Variants in OTOF observed in about 807,000 individuals in gnomAD.
The protein encoded by OTOF is otoferlin, also known as fer-1-like family member 2.
In OTOF, 218 loss-of-function variants were observed where a neutral mutation model predicts 236.8. The ratio of observed to expected loss-of-function variants is 0.92; its 90% confidence interval spans 0.82 to 1.03. The LOEUF (loss-of-function observed/expected upper bound fraction) is 1.03. Ranked by LOEUF, OTOF falls within the 50% of genes least tolerant of loss-of-function variation. The probability of loss-of-function intolerance (pLI) is 0.00; values close to 1 mark genes in which losing one functional copy is unlikely to be tolerated. For synonymous variants in OTOF, 1,041 were observed against 1,072.5 expected (o/e 0.97, Z 0.57); for missense variants, 2,590 against 2,694.4 (o/e 0.96, Z 0.86).
In OTOF at chr2:26,477,979, A is replaced by T. The variant is rs1435592587; in HGVS notation, c.2215-230T>A. On this transcript the variant is annotated intron_variant, in intron 18 of 46. Transcript: ENST00000272371. The surrounding 1 kb of genome is among the most constrained non-coding windows in gnomAD (Gnocchi z 4.7). The stretch of plus-strand genomic sequence containing the variant: ...GGGTTCTTCAGTTCCTGAAGGAAGA[A>T]GCCACCTCTGGGCTGTGAGTCTGTG... 2 of 1,463,528 alleles carry T rather than the reference A, an allele frequency of 1.4e-6. No individual in the cohort carries two copies. The highest frequency in any genetic ancestry group is 5.2e-5 in the Admixed American group (2 of 38,170). The allele number at this position is 1,463,528 out of a possible 1,614,324, so 90.7% of individuals were successfully genotyped here.
chr2:26,554,086 G>A (rs1003015549), intron 1 of OTOF, among the ~76,000 whole-genome samples: 1 of 144,894 alleles, frequency 6.9e-6, no homozygotes, highest in African/African-American at 2.6e-5. Context: ...CAGAAGAATC[G>A]CTTGAACCCA....
chr2:26,509,786 A>G (rs1666337834), intron 5 of OTOF, among the ~76,000 whole-genome samples: 1 of 152,212 alleles, frequency 6.6e-6, no homozygotes, highest in Admixed American at 6.5e-5. Flanking sequence ...TGTTTGGAGA[A>G]TTAGATTAAA....
At chr2:26,535,592 G>A (rs184876042) in intron 2 of OTOF, among the ~76,000 whole-genome samples, 90 of 152,262 alleles carry the variant, frequency 5.9e-4, no homozygotes, top group African/African-American at 1.9e-3. Flanking sequence ...TCCCCATCGC[G>A]TGCCCTGCTC....
chr2:26,510,188 G>A (rs558444811), intron 5 of OTOF, among the ~76,000 whole-genome samples: 69 of 152,188 alleles, frequency 4.5e-4, no homozygotes, highest in Non-Finnish European at 7.5e-4. Flanking sequence ...AGAGAGGGCC[G>A]CCCAAATGGT....
chr2:26,472,459 G>A, intron 30 of OTOF, 60 bp downstream of exon 30: 1 of 1,605,024 alleles, frequency 6.2e-7, no homozygotes, highest in Non-Finnish European at 8.5e-7. Context: ...TGGTTCACAG[G>A]ATGTGTCACA....
intron 7 of OTOF, among the ~76,000 whole-genome samples, chr2:26,502,019 A>T (rs987588559): frequency 3.3e-5 from 5 of 152,172 alleles, no homozygotes. Flanking sequence ...AGAGACAGAC[A>T]TGGGGTCAAT....
At chr2:26,541,156 G>A (rs185769656) in intron 1 of OTOF, among the ~76,000 whole-genome samples, 389 of 152,304 alleles carry the variant, frequency 2.6e-3, no homozygotes, top group African/African-American at 8.7e-3. Context: ...GCAACCCAGC[G>A]GAGGATTGGG....
intron 1 of OTOF, among the ~76,000 whole-genome samples, chr2:26,542,855 G>A (rs146773446): frequency 3.3e-5 from 5 of 152,302 alleles, no homozygotes; most frequent in African/African-American, 1.2e-4. Context: ...TCCTGGGACT[G>A]TTTTCAAGGA....
chr2:26,515,502 A>G (rs1259219867), intron 5 of OTOF, among the ~76,000 whole-genome samples: 1 of 152,220 alleles, frequency 6.6e-6, no homozygotes, highest in Non-Finnish European at 1.5e-5. Flanking sequence ...TGCAAAGGAG[A>G]AAACATATTT....
chr2:26,536,830 G>T (rs1408634753), intron 2 of OTOF, among the ~76,000 whole-genome samples: 1 of 152,184 alleles, frequency 6.6e-6, no homozygotes, highest in Admixed American at 6.5e-5. Flanking sequence ...CATCCCTGGA[G>T]AACCTACAGC....
intron 3 of OTOF, among the ~76,000 whole-genome samples, chr2:26,525,853 G>A (rs1666787990): frequency 6.6e-6 from 1 of 152,110 alleles, no homozygotes; most frequent in Non-Finnish European, 1.5e-5. Context: ...TTGGGAGGCC[G>A]AGGAGGGTAG....
chr2:26,530,887 A>C (rs913046564), intron 2 of OTOF, among the ~76,000 whole-genome samples: 5 of 151,902 alleles, frequency 3.3e-5, no homozygotes, highest in African/African-American at 1.2e-4. Flanking sequence ...GGGGCCTCGG[A>C]GGGTGACGGG....
intron 9 of OTOF, among the ~76,000 whole-genome samples, chr2:26,493,021 C>T (rs762435039): frequency 1.3e-5 from 2 of 152,088 alleles, no homozygotes; most frequent in Admixed American, 6.5e-5. Context: ...AAGTAACCAC[C>T]GGGGCCACAG....
In OTOF at chr2:26,466,067, G is replaced by C; in HGVS notation, c.4510C>G (p.Leu1504Val). The change falls in exon 37 of 47, where the codon CTG becomes GTG. Residue 1504 changes from leucine to valine, a missense_variant. Transcript: ENST00000272371. ...VRVYVVRATD[L>V]HPADINGKAD... ...TTGCCGTTGATGTCAGCAGGGTGCA[G>C]GTCCGTGGCCTGGAATGGGGAGAAG... 6.2e-7 allele frequency: 1 copy of C among 1,614,216 alleles called. No homozygotes were observed.
At chr2:26,525,417 T>C (rs1034708040) in intron 3 of OTOF, among the ~76,000 whole-genome samples, 2 of 152,202 alleles carry the variant, frequency 1.3e-5, no homozygotes, top group African/African-American at 2.4e-5. Context: ...AGACAGCACA[T>C]TGGCTGGAAA....
intron 8 of OTOF, among the ~76,000 whole-genome samples, chr2:26,500,365 C>CA (rs1230844506): frequency 2.0e-5 from 3 of 152,190 alleles, no homozygotes; most frequent in Non-Finnish European, 2.9e-5. Flanking sequence ...GTTTCATGAA[C>CA]AATAATGACT....
chr2:26,521,962 G>C (rs568540326), intron 3 of OTOF, among the ~76,000 whole-genome samples: 1 of 152,152 alleles, frequency 6.6e-6, no homozygotes, highest in Non-Finnish European at 1.5e-5. Context: ...TAATGAGCAG[G>C]GCTGGCCATC....
intron 1 of OTOF, among the ~76,000 whole-genome samples, chr2:26,550,908 C>T (rs926400264): frequency 7.2e-5 from 11 of 152,158 alleles, no homozygotes; most frequent in Non-Finnish European, 1.6e-4. Context: ...TTCCGGTCTC[C>T]CCTCCACACT....
intron 1 of OTOF, among the ~76,000 whole-genome samples, chr2:26,557,998 G>A (rs1466921803): frequency 6.6e-6 from 1 of 151,936 alleles, no homozygotes; most frequent in African/African-American, 2.4e-5. Context: ...TCCCGCCCAT[G>A]AATAGATCTA....
Sources: gnomAD v4.1 joint callset for allele counts (sites outside exome capture counted in the v4.1 genomes callset) on GRCh38, gnomAD v4.1.1 for gene constraint, Gnocchi (gnomAD v3.1) non-coding constraint, MANE v1.5 for transcripts, NCBI Gene and HGNC (gene_info 2026-07-23, HGNC 2026-07-21) for gene names.